Variants in ERBB4 observed in about 807,000 individuals in gnomAD.
ERBB4 encodes the protein erb-b2 receptor tyrosine kinase 4.
ERBB4 carries 42 observed loss-of-function variants against 158.0 expected under a neutral mutation model. That is an observed-to-expected ratio of 0.27 (90% CI 0.21 to 0.34). ERBB4 has a LOEUF of 0.34. ERBB4 is among the 10% of genes least tolerant of loss of function. The pLI, the probability that ERBB4 is intolerant of heterozygous loss-of-function variation, is 1.00. For synonymous variants in ERBB4, 583 were observed against 558.7 expected (o/e 1.04, Z -0.61); for missense variants, 1,333 against 1,624.1 (o/e 0.82, Z 3.08).
intron 20 of ERBB4, among the ~76,000 whole-genome samples, chr2:211,529,065 G>T (rs546038639): frequency 2.0e-5 from 3 of 150,982 alleles, no homozygotes; most frequent in African/African-American, 2.4e-5. Context: ...AAAAAGTTGG[G>T]TTTTTTTGAA....
chr2:212,409,007 C>A (rs915134152), intron 1 of ERBB4, among the ~76,000 whole-genome samples: 1 of 152,172 alleles, frequency 6.6e-6, no homozygotes, highest in Non-Finnish European at 1.5e-5. Flanking sequence ...GGCTAATTCT[C>A]TTTACAGATA....
intron 2 of ERBB4, among the ~76,000 whole-genome samples, chr2:212,108,550 T>C (rs2079300246): frequency 6.6e-6 from 1 of 152,170 alleles, no homozygotes; most frequent in South Asian, 2.1e-4. Flanking sequence ...TCCAAGTCCC[T>C]GTTGGATACA....
intron 2 of ERBB4, among the ~76,000 whole-genome samples, chr2:212,102,668 C>G (rs1220497780): frequency 6.6e-6 from 1 of 151,954 alleles, no homozygotes; most frequent in Admixed American, 6.6e-5. Flanking sequence ...TTCTAAAAGC[C>G]TACTTGATAT....
At chr2:211,582,792 A>G (rs1211856229) in intron 19 of ERBB4, among the ~76,000 whole-genome samples, 1 of 152,168 alleles carries the variant, frequency 6.6e-6, no homozygotes, top group Non-Finnish European at 1.5e-5. Flanking sequence ...GTACTGGAAC[A>G]CCATAACCTA....
intron 1 of ERBB4, among the ~76,000 whole-genome samples, chr2:212,481,149 GAATAT>G (rs1167760553): frequency 6.7e-6 from 1 of 149,792 alleles, no homozygotes; most frequent in Non-Finnish European, 1.5e-5. Context: ...TTATGTTATA[GAATAT>G]ATCTGTAAAT....
intron 1 of ERBB4, among the ~76,000 whole-genome samples, chr2:212,471,466 C>T (rs1164250307): frequency 6.6e-6 from 1 of 151,834 alleles, no homozygotes; most frequent in Non-Finnish European, 1.5e-5. Context: ...ACTATGATTA[C>T]TACAACCAAT....
intron 1 of ERBB4, chr2:212,426,504 CT>C (rs768875119): frequency 5.5e-6 from 2 of 364,166 alleles, no homozygotes; most frequent in Non-Finnish European, 1.1e-5. Context: ...ACCTCAATCT[CT>C]TTATCTCTAC....
rs182463130 is a variant in ERBB4 at position 212,018,289 on chromosome 2, G to C, written c.235-70673C>G. ...TCTCTCACCTTTAGGTTTAACCTGA[G>C]ATAAAGAATACAAGGGTCTCAGCAG... On this transcript the variant is annotated intron_variant, in intron 2 of 27. Transcript: ENST00000342788. Among the ~76,000 whole-genome samples the C allele has an allele frequency of 9.2e-5, 14 of 152,276 alleles. No individual in the cohort carries two copies. In the East Asian group the frequency reaches 2.7e-3, roughly 29 times the overall value.
At chr2:211,472,745 C>T (rs1367012719) in intron 20 of ERBB4, among the ~76,000 whole-genome samples, 3 of 152,010 alleles carry the variant, frequency 2.0e-5, no homozygotes, top group African/African-American at 7.2e-5. Flanking sequence ...TTCCTTTGTT[C>T]TAGATGCTGC....
chr2:211,852,636 C>CTTTTTTTTT (rs10640429), intron 3 of ERBB4, among the ~76,000 whole-genome samples: 23 of 138,838 alleles, frequency 1.7e-4, no homozygotes, highest in African/African-American at 5.6e-4. Context: ...CAATGGCCAA[C>CTTTTTTTTT]TTTTTTTTTT....
At chr2:212,102,493 T>C (rs2079113496) in intron 2 of ERBB4, among the ~76,000 whole-genome samples, 1 of 152,010 alleles carries the variant, frequency 6.6e-6, no homozygotes, top group Non-Finnish European at 1.5e-5. Context: ...AGAAAAAAAG[T>C]CTCTTTTCAA....
At chr2:211,797,278 T>G (rs898210497) in intron 3 of ERBB4, among the ~76,000 whole-genome samples, 6 of 151,870 alleles carry the variant, frequency 4.0e-5, no homozygotes, top group Non-Finnish European at 1.5e-5. Flanking sequence ...ACGGTCATAT[T>G]AGTACTCAGA....
intron 12 of ERBB4, among the ~76,000 whole-genome samples, chr2:211,692,329 T>A (rs2072854040): frequency 1.3e-5 from 2 of 152,176 alleles, no homozygotes; most frequent in African/African-American, 4.8e-5. Flanking sequence ...TTTCTGTGAG[T>A]TAATACAGTC....
intron 1 of ERBB4, among the ~76,000 whole-genome samples, chr2:212,498,028 C>T (rs183044408): frequency 3.9e-5 from 6 of 152,008 alleles, no homozygotes; most frequent in African/African-American, 1.4e-4. Context: ...TTATTGCTTC[C>T]CTAATATATT....
At chr2:211,640,358 G>A (rs2125892477) in intron 16 of ERBB4, among the ~76,000 whole-genome samples, 1 of 152,198 alleles carries the variant, frequency 6.6e-6, no homozygotes, top group South Asian at 2.1e-4. Context: ...GAAGTGAGAT[G>A]GGAAAAGACT....
intron 5 of ERBB4, among the ~76,000 whole-genome samples, chr2:211,731,617 A>T (rs2074429718): frequency 6.6e-6 from 1 of 152,138 alleles, no homozygotes. Context: ...AGGCTTGATG[A>T]AATGTTCTCT....
intron 1 of ERBB4, among the ~76,000 whole-genome samples, chr2:212,427,555 T>C (rs1376362118): frequency 1.3e-5 from 2 of 152,088 alleles, no homozygotes; most frequent in African/African-American, 2.4e-5. Context: ...TTTTATGCCA[T>C]ATGGGAAAAA....
intron 16 of ERBB4, among the ~76,000 whole-genome samples, chr2:211,653,089 T>C (rs1315047696): frequency 6.6e-6 from 1 of 152,074 alleles, no homozygotes; most frequent in Non-Finnish European, 1.5e-5. Context: ...AAATAAATAA[T>C]ATACAGAAAA....
chr2:212,521,538 T>C (rs1239698045), intron 1 of ERBB4, among the ~76,000 whole-genome samples: 1 of 151,904 alleles, frequency 6.6e-6, no homozygotes, highest in Non-Finnish European at 1.5e-5. Flanking sequence ...TTTAAATTTA[T>C]GATGTTTCTA....
Sources: allele counts gnomAD v4.1 joint callset (sites outside exome capture counted in the v4.1 genomes callset), GRCh38; gene constraint gnomAD v4.1.1; transcripts MANE v1.5; gene names NCBI Gene and HGNC (gene_info 2026-07-23, HGNC 2026-07-21).